PRKG1: variants seen among roughly 807,000 people sequenced by gnomAD.
The protein encoded by PRKG1 is cGMP-dependent protein kinase 1.
Under a neutral mutation model 88.1 loss-of-function variants are expected in PRKG1, and 35 were observed. The observed-to-expected ratio is 0.40, with a 90% CI of 0.30 to 0.53. The LOEUF (loss-of-function observed/expected upper bound fraction) is 0.53. Ranked by LOEUF, PRKG1 falls within the 20% of genes least tolerant of loss-of-function variation. PRKG1 has a pLI of 0.59. For synonymous variants in PRKG1, 303 were observed against 292.5 expected (o/e 1.04, Z -0.37); for missense variants, 540 against 839.8 (o/e 0.64, Z 4.41).
intron 2 of PRKG1, among the ~76,000 whole-genome samples, chr10:51,200,876 G>T (rs16915292): frequency 0.035 from 5,257 of 152,124 alleles, 300 homozygotes; most frequent in African/African-American, 0.12. Flanking sequence ...ATCCACAGAA[G>T]GCCTCAACTT....
chr10:51,299,717 A>G (rs1436334536), intron 2 of PRKG1: 1 of 409,434 alleles, frequency 2.4e-6, no homozygotes. Context: ...CTCTCTGCAC[A>G]TGTGTTTTTT....
intron 1 of PRKG1, among the ~76,000 whole-genome samples, chr10:51,062,237 G>T (rs1488250961): frequency 6.6e-6 from 1 of 152,190 alleles, no homozygotes; most frequent in Non-Finnish European, 1.5e-5. Context: ...AATTCAACTG[G>T]TTGGGCCTGA....
At chr10:52,281,371 A>C (rs919214957) in intron 13 of PRKG1, among the ~76,000 whole-genome samples, 1 of 152,184 alleles carries the variant, frequency 6.6e-6, no homozygotes, top group Non-Finnish European at 1.5e-5. Flanking sequence ...AGTAATAATA[A>C]TAATGGTCAA....
At chr10:51,405,512 C>T (rs1837884260) in intron 2 of PRKG1, among the ~76,000 whole-genome samples, 2 of 152,114 alleles carry the variant, frequency 1.3e-5, no homozygotes, top group South Asian at 4.2e-4. Flanking sequence ...TACGTACAGG[C>T]GATTTCAAAT....
chr10:51,965,441 G>T (rs1029097031), intron 5 of PRKG1, among the ~76,000 whole-genome samples: 8 of 152,102 alleles, frequency 5.3e-5, no homozygotes, highest in African/African-American at 1.9e-4. Flanking sequence ...AGCTCAAATT[G>T]TATGTAAGAT....
At chr10:51,607,197 A>G (rs899285482) in intron 3 of PRKG1, among the ~76,000 whole-genome samples, 3 of 152,160 alleles carry the variant, frequency 2.0e-5, no homozygotes, top group Non-Finnish European at 2.9e-5. Flanking sequence ...CTGCTTCACT[A>G]ATTTGGTGTG....
intron 3 of PRKG1, among the ~76,000 whole-genome samples, chr10:51,769,921 G>A (rs1427371617): frequency 6.6e-6 from 1 of 152,224 alleles, no homozygotes; most frequent in Non-Finnish European, 1.5e-5. Context: ...GAATTTATGT[G>A]GAGCCACATT....
At chr10:52,101,591 G>A (rs1461938355) in intron 7 of PRKG1, among the ~76,000 whole-genome samples, 4 of 152,060 alleles carry the variant, frequency 2.6e-5, no homozygotes, top group Non-Finnish European at 5.9e-5. Context: ...TTCTTACTGG[G>A]CCAAGTACTT....
intron 2 of PRKG1, among the ~76,000 whole-genome samples, chr10:51,274,137 TA>T (rs1363727319): frequency 6.6e-6 from 1 of 152,192 alleles, no homozygotes; most frequent in African/African-American, 2.4e-5. Context: ...CCTGGTGTCA[TA>T]ATTTTTTTTC....
chr10:51,621,198 C>T (rs1327344110), intron 3 of PRKG1, among the ~76,000 whole-genome samples: 1 of 151,578 alleles, frequency 6.6e-6, no homozygotes, highest in Non-Finnish European at 1.5e-5. Flanking sequence ...AAAGGGCATT[C>T]AGCTATTATC....
intron 10 of PRKG1, among the ~76,000 whole-genome samples, chr10:52,255,008 GTTTTCTGGCATGTGCCATA>G (rs1841274932): frequency 6.6e-6 from 1 of 151,950 alleles, no homozygotes; most frequent in Non-Finnish European, 1.5e-5. Flanking sequence ...TTTCCTTTCT[GTTTTCTGGCATGTGCCATA>G]TTTTCTGCCT....
rs1323068893 is a variant in PRKG1 at position 51,016,669 on chromosome 10, C to CTTTTTTTTTTTTTTTTTTT, written c.266+25028_266+25029insTTTTTTTTTTTTTTTTTTT. Among the ~76,000 whole-genome samples the CTTTTTTTTTTTTTTTTTTT allele has an allele frequency of 4.2e-3, 95 of 22,772 alleles. 2 individuals are homozygous for CTTTTTTTTTTTTTTTTTTT. The highest frequency in any genetic ancestry group is 6.1e-3 in the Non-Finnish European group (74 of 12,102). 14.9% of individuals were successfully genotyped at this position (22,772 alleles called of 152,430 possible). A position where few individuals can be genotyped will look rare whatever the true frequency, so the allele number is the denominator to read the frequency against. On this transcript the variant is annotated intron_variant, in intron 1 of 17. Transcript: ENST00000401604. ...ACCCAGTGAAGAAGGTATTATTATC[C>CTTTTTTTTTTTTTTTTTTT]TTTCTTTTTTTTTTTTTTTTTTTGG...
At chr10:52,218,462 A>C (rs930117875) in intron 9 of PRKG1, among the ~76,000 whole-genome samples, 1 of 152,130 alleles carries the variant, frequency 6.6e-6, no homozygotes, top group Admixed American at 6.6e-5. Context: ...TCTGGTTAAA[A>C]AAGATATTTT....
chr10:51,548,190 A>G (rs889653981), intron 3 of PRKG1, among the ~76,000 whole-genome samples: 1 of 151,958 alleles, frequency 6.6e-6, no homozygotes, highest in African/African-American at 2.4e-5. Context: ...TATTTTCTCT[A>G]TTGTCCCCCT....
At chr10:51,432,185 TGAAA>T (rs1165618269) in intron 2 of PRKG1, among the ~76,000 whole-genome samples, 2 of 152,186 alleles carry the variant, frequency 1.3e-5, no homozygotes, top group Non-Finnish European at 2.9e-5. Context: ...ATATACTTAT[TGAAA>T]GAGTTTTTAA....
At chr10:51,961,289 C>T (rs1003153256) in intron 5 of PRKG1, among the ~76,000 whole-genome samples, 16 of 152,060 alleles carry the variant, frequency 1.1e-4, no homozygotes, top group African/African-American at 2.9e-4. Flanking sequence ...AGTTGACCCT[C>T]GTGTCCACGG....
chr10:51,956,424 A>G lies in PRKG1; in HGVS notation c.762+48854A>G, dbSNP rs572748609. On this transcript the variant is annotated intron_variant, in intron 5 of 17. Coordinates refer to ENST00000373980, the MANE Select transcript of PRKG1 (RefSeq NM_006258.4). ...TATTATCAATTATTTTTGAATAGTA[A>G]CAATAAAACAATTTGAAATAAGAAG... Among the ~76,000 whole-genome samples the G allele has an allele frequency of 5.7e-3, 862 of 152,040 alleles. 2 individuals are homozygous for G. Among genetic ancestry groups the G allele is most frequent in the Non-Finnish European group, 8.8e-3 (597 of 67,928 alleles).
chr10:51,274,932 T>C (rs570545156), intron 2 of PRKG1, among the ~76,000 whole-genome samples: 4 of 152,138 alleles, frequency 2.6e-5, no homozygotes, highest in Non-Finnish European at 5.9e-5. Context: ...GCTGTGAGAG[T>C]TGAAACTCCA....
intron 2 of PRKG1, among the ~76,000 whole-genome samples, chr10:51,332,286 T>C (rs16916890): frequency 0.022 from 3,414 of 152,244 alleles, 130 homozygotes; most frequent in African/African-American, 0.077. Context: ...AGGAGTTCCA[T>C]GTCAGAAAGT....
Sources: gnomAD v4.1 joint callset for allele counts (sites outside exome capture counted in the v4.1 genomes callset) on GRCh38, gnomAD v4.1.1 for gene constraint, MANE v1.5 for transcripts, NCBI Gene and HGNC (gene_info 2026-07-23, HGNC 2026-07-21) for gene names.